AFF3: variants seen among roughly 807,000 people sequenced by gnomAD.
The protein encoded by AFF3 is AF4/FMR2 family member 3.
Under a neutral mutation model 129.7 loss-of-function variants are expected in AFF3, and 32 were observed. The ratio of observed to expected loss-of-function variants is 0.25; its 90% CI spans 0.19 to 0.33. The LOEUF (loss-of-function observed/expected upper bound fraction) is 0.33, where lower values mean the gene tolerates loss of function less well. AFF3 is among the 10% of genes least tolerant of loss of function. The pLI, the probability that AFF3 is intolerant of heterozygous loss-of-function variation, is 1.00. For missense variants in AFF3, 1,373 were observed against 1,592.0 expected, an observed-to-expected ratio of 0.86 and a Z score of 2.34; for synonymous variants, 644 against 635.4, an observed-to-expected ratio of 1.01 and a Z score of -0.20.
chr2:99,913,009 C>T (rs898591451), intron 7 of AFF3, among the ~76,000 whole-genome samples: 5 of 152,168 alleles, frequency 3.3e-5, no homozygotes, highest in African/African-American at 1.2e-4. Flanking sequence ...ACCCCACACT[C>T]CATCAGAGCC....
chr2:100,048,295 C>A (rs991843158), intron 4 of AFF3, among the ~76,000 whole-genome samples: 3 of 152,126 alleles, frequency 2.0e-5, no homozygotes, highest in African/African-American at 7.2e-5. Flanking sequence ...CTTGTTAATG[C>A]CATTTTTAAT....
chr2:99,553,837 C>A (rs1477282914), intron 24 of AFF3, among the ~76,000 whole-genome samples: 2 of 146,556 alleles, frequency 1.4e-5, no homozygotes, highest in African/African-American at 5.1e-5. Context: ...TCGCTTGAAC[C>A]CAGGAGACGG....
At chr2:99,702,578 A>G (rs979896834) in intron 11 of AFF3, among the ~76,000 whole-genome samples, 1 of 152,178 alleles carries the variant, frequency 6.6e-6, no homozygotes, top group Non-Finnish European at 1.5e-5. Flanking sequence ...GACTCAAGTG[A>G]TCTGCCTGCC....
intron 5 of AFF3, among the ~76,000 whole-genome samples, chr2:100,008,225 TG>T (rs1682162201): frequency 6.6e-6 from 1 of 152,098 alleles, no homozygotes; most frequent in Non-Finnish European, 1.5e-5. Context: ...GAGATGTCAA[TG>T]TGAAGCTTAA....
chr2:99,826,425 T>C (rs1484775952), intron 8 of AFF3, among the ~76,000 whole-genome samples: 1 of 152,142 alleles, frequency 6.6e-6, no homozygotes, highest in African/African-American at 2.4e-5. Flanking sequence ...ATATTAAGTA[T>C]TGTAATAAGA....
chr2:99,619,322 T>A (rs990376193), intron 13 of AFF3, among the ~76,000 whole-genome samples: 27 of 152,242 alleles, frequency 1.8e-4, no homozygotes, highest in African/African-American at 6.3e-4. Context: ...AAGATTTTTA[T>A]GGAAACCAAA....
rs537756092 is a variant in AFF3, at chr2:99,845,194, T to C, written c.874-7670A>G. Among the ~76,000 whole-genome samples, 263 of 152,284 alleles carry C rather than the reference T, an allele frequency of 1.7e-3. 1 individual carries two copies. The highest frequency in any genetic ancestry group is 8.2e-3 in the Admixed American group (125 of 15,298). Reference sequence around the variant, plus strand: ...TCATTTGACTTCCCTAATTCCCACATTGGTACCTGTAAATTAGAGAGTAAG... The same window carrying C: ...TCATTTGACTTCCCTAATTCCCACACTGGTACCTGTAAATTAGAGAGTAAG... On this transcript the variant is annotated intron_variant, in intron 7 of 24. Coordinates refer to ENST00000672756, the MANE Select transcript of AFF3 (RefSeq NM_001386135.1).
intron 13 of AFF3, among the ~76,000 whole-genome samples, chr2:99,632,324 T>A (rs1683198465): frequency 6.6e-6 from 1 of 152,232 alleles, no homozygotes; most frequent in Non-Finnish European, 1.5e-5. Context: ...CTCAACACTT[T>A]TTAATTCTTA....
chr2:100,113,184 CATTTCAGATAT>C (rs1227174455), intron 2 of AFF3, among the ~76,000 whole-genome samples: 1 of 152,136 alleles, frequency 6.6e-6, no homozygotes, highest in African/African-American at 2.4e-5. Context: ...TCACATAAGT[CATTTCAGATAT>C]TGATTTACTG....
chr2:100,046,957 C>T (rs530920110), intron 4 of AFF3, among the ~76,000 whole-genome samples: 157 of 150,650 alleles, frequency 1.0e-3, no homozygotes, highest in Middle Eastern at 0.01. Flanking sequence ...TATGACTCCT[C>T]TTAACAGCCA....
At chr2:99,837,185 G>C (rs569402854) in intron 8 of AFF3, among the ~76,000 whole-genome samples, 70 of 152,226 alleles carry the variant, frequency 4.6e-4, no homozygotes, top group African/African-American at 1.7e-3. Context: ...GGTGATAAAT[G>C]GGGCATCCAC....
At chr2:99,790,505 T>G (rs2105439919) in intron 8 of AFF3, among the ~76,000 whole-genome samples, 1 of 152,322 alleles carries the variant, frequency 6.6e-6, no homozygotes, top group East Asian at 1.9e-4. Flanking sequence ...AGATGTTTCC[T>G]TTATGGAGGA....
intron 7 of AFF3, among the ~76,000 whole-genome samples, chr2:99,886,434 G>A (rs1693117320): frequency 6.7e-6 from 1 of 148,740 alleles, no homozygotes; most frequent in African/African-American, 2.5e-5. Context: ...TTTTTTTTCA[G>A]GAATAAAGGA....
In AFF3 at chr2:99,551,125, G is replaced by A. The variant is rs1160624599; in HGVS notation, c.*349C>T. ...TTAGCACTGGAATGGAATAGAAAGT[G>A]TGTGTCTGTGATTGTGTGTGAGTGT... On this transcript the variant is annotated 3_prime_UTR_variant, in exon 25 of 25. Transcript: ENST00000672756. 2.3e-6 allele frequency: 1 copy of A among 437,054 alleles called. No homozygotes were observed. The highest frequency in any genetic ancestry group is 2.0e-5 in the African/African-American group (1 of 50,796). The allele number at this position is 437,054 out of a possible 1,614,324, so 27.1% of individuals were successfully genotyped here.
intron 7 of AFF3, among the ~76,000 whole-genome samples, chr2:99,843,962 G>A (rs1008333662): frequency 1.3e-5 from 2 of 152,076 alleles, no homozygotes; most frequent in Admixed American, 6.5e-5. Flanking sequence ...CCCGGGAGGT[G>A]GAGGTTGCAG....
At chr2:99,960,085 T>G (rs944859083) in intron 7 of AFF3, among the ~76,000 whole-genome samples, 1 of 152,148 alleles carries the variant, frequency 6.6e-6, no homozygotes, top group Admixed American at 6.5e-5. Context: ...ATTTGTAAAC[T>G]TACACAGAAT....
intron 13 of AFF3, among the ~76,000 whole-genome samples, chr2:99,626,418 C>T (rs1377518359): frequency 2.5e-5 from 3 of 121,972 alleles, no homozygotes; most frequent in Non-Finnish European, 5.3e-5. Context: ...CCTCCCCTCC[C>T]TTTCTCTCTC....
At chr2:100,031,341 A>T (rs917155676) in intron 4 of AFF3, among the ~76,000 whole-genome samples, 2 of 152,212 alleles carry the variant, frequency 1.3e-5, no homozygotes, top group Non-Finnish European at 2.9e-5. Context: ...AGTTAGAATG[A>T]TCCATGTGAT....
At chr2:100,095,818 T>C (rs1280041321) in intron 4 of AFF3, among the ~76,000 whole-genome samples, 2 of 152,266 alleles carry the variant, frequency 1.3e-5, no homozygotes, top group South Asian at 2.1e-4. Flanking sequence ...TCTAATGAAA[T>C]AGAACTGGAA....
Sources: allele counts gnomAD v4.1 joint callset (sites outside exome capture counted in the v4.1 genomes callset), GRCh38; gene constraint gnomAD v4.1.1; transcripts MANE v1.5; gene names NCBI Gene and HGNC (gene_info 2026-07-23, HGNC 2026-07-21).